EXD3: variants seen among roughly 807,000 people sequenced by gnomAD.
EXD3 encodes exonuclease mut-7 homolog.
EXD3 carries 92 observed loss-of-function variants against 98.0 expected under a neutral mutation model. That is an observed-to-expected ratio of 0.94 (90% CI 0.79 to 1.12). The LOEUF (loss-of-function observed/expected upper bound fraction) is 1.12, where lower values mean the gene tolerates loss of function less well. Ranked by LOEUF, EXD3 falls within the 50% of genes most tolerant of loss-of-function variation. The pLI is 0.00. For synonymous variants in EXD3, 569 were observed against 526.0 expected (o/e 1.08, Z -1.12); for missense variants, 1,222 against 1,191.6 (o/e 1.03, Z -0.38).
chr9:137,414,174 C>T (rs1294977297), intron 1 of EXD3, among the ~76,000 whole-genome samples: 2 of 152,356 alleles, frequency 1.3e-5, no homozygotes, highest in East Asian at 3.9e-4. Flanking sequence ...CCCTTGGCCT[C>T]CCAAAGTGCT....
chr9:137,327,833 T>C (rs1588258460), intron 17 of EXD3, among the ~76,000 whole-genome samples: 2 of 147,094 alleles, frequency 1.4e-5, no homozygotes, highest in Non-Finnish European at 3.0e-5. Flanking sequence ...TACACCCATA[T>C]GATGAGTAAA....
chr9:137,408,184 G>A (rs2131815953), intron 1 of EXD3, among the ~76,000 whole-genome samples: 2 of 152,218 alleles, frequency 1.3e-5, no homozygotes, highest in Non-Finnish European at 2.9e-5. Context: ...TGGGCGCCTG[G>A]ATGTGTCTCC....
chr9:137,374,427 C>T (rs1327336700), intron 3 of EXD3: 1 of 409,530 alleles, frequency 2.4e-6, no homozygotes, highest in East Asian at 1.6e-4. Context: ...GTGGGCCGCG[C>T]TGTTCTCGTC....
At chr9:137,335,951 C>T (rs1458162505) in intron 17 of EXD3, among the ~76,000 whole-genome samples, 1 of 152,096 alleles carries the variant, frequency 6.6e-6, no homozygotes, top group African/African-American at 2.4e-5. Flanking sequence ...TGGAATACTA[C>T]TCAGCCGTAA....
intron 1 of EXD3, among the ~76,000 whole-genome samples, chr9:137,415,395 T>C (rs1050754286): frequency 2.6e-5 from 4 of 152,038 alleles, no homozygotes; most frequent in Admixed American, 2.6e-4. Flanking sequence ...GGTCTCTCCA[T>C]GTTCGCCAGG....
rs1449084175 is a variant in EXD3 at position 137,355,506 on chromosome 9, A to C, written c.758-733T>G. ...AGGAAGGAGGATGGAGGAAGGAGGA[A>C]GGAGGAAGGAGGAAGGAGGATGGAG... On this transcript the variant is annotated intron_variant, in intron 8 of 21. Transcript: ENST00000340951. Among the ~76,000 whole-genome samples the C allele has an allele frequency of 1.4e-3, 111 of 80,568 alleles. 1 individual carries two copies. The highest frequency in any genetic ancestry group is 2.2e-3 in the African/African-American group (40 of 18,104). The allele number at this position is 80,568 out of a possible 152,430, so 52.9% of individuals were successfully genotyped here. A position where few individuals can be genotyped will look rare whatever the true frequency, so the allele number is the denominator to read the frequency against.
At chr9:137,356,576 A>G (rs1478159486) in intron 7 of EXD3, among the ~76,000 whole-genome samples, 3 of 152,160 alleles carry the variant, frequency 2.0e-5, no homozygotes, top group East Asian at 1.9e-4. Flanking sequence ...CCACATTTCC[A>G]GATAACATCC....
At chr9:137,420,525 T>C (rs1017212193) in intron 1 of EXD3, among the ~76,000 whole-genome samples, 32 of 152,314 alleles carry the variant, frequency 2.1e-4, no homozygotes, top group African/African-American at 7.0e-4. Context: ...AGGCTTGGAC[T>C]GGGATGACGT....
intron 19 of EXD3, among the ~76,000 whole-genome samples, chr9:137,313,987 T>G (rs969093817): frequency 9.9e-5 from 15 of 151,992 alleles, no homozygotes; most frequent in Admixed American, 3.3e-4. Flanking sequence ...GGGTCGCCAG[T>G]GTGCCGTCCC....
intron 17 of EXD3, among the ~76,000 whole-genome samples, chr9:137,333,841 C>G (rs1180516684): frequency 6.6e-6 from 1 of 151,746 alleles, no homozygotes; most frequent in African/African-American, 2.4e-5. Flanking sequence ...TTTTTCTTTT[C>G]TTTTCTTTTT....
intron 19 of EXD3, among the ~76,000 whole-genome samples, 163 bp from the exon 20 acceptor site, chr9:137,309,863 G>A (rs551240032): frequency 5.3e-5 from 8 of 152,324 alleles, no homozygotes; most frequent in African/African-American, 7.2e-5. Flanking sequence ...TGGGGTTCAG[G>A]CCATACCGCC....
intron 3 of EXD3, chr9:137,377,280 C>T (rs1211561663): frequency 6.6e-6 from 1 of 152,130 alleles, no homozygotes; most frequent in Non-Finnish European, 1.5e-5. Context: ...GGAACTCCGT[C>T]TCTACCAAAA....
chr9:137,420,152 T>G (rs749330639), intron 1 of EXD3, among the ~76,000 whole-genome samples: 1 of 151,064 alleles, frequency 6.6e-6, no homozygotes, highest in Non-Finnish European at 1.5e-5. Context: ...AGAGGGAGAC[T>G]CCGCCTAAAA....
intron 1 of EXD3, among the ~76,000 whole-genome samples, chr9:137,409,611 T>C (rs989953294): frequency 6.7e-6 from 1 of 150,154 alleles, no homozygotes; most frequent in East Asian, 2.0e-4. Flanking sequence ...GAGGGAGCTG[T>C]GTCTACAAAG....
intron 17 of EXD3, among the ~76,000 whole-genome samples, chr9:137,333,008 G>A (rs185665193): frequency 1.6e-4 from 24 of 152,290 alleles, no homozygotes; most frequent in Non-Finnish European, 3.1e-4. Flanking sequence ...GTCCATGGAC[G>A]GGGAGAGGCA....
chr9:137,345,307 A>G (rs1055175496), intron 17 of EXD3, among the ~76,000 whole-genome samples: 1 of 152,260 alleles, frequency 6.6e-6, no homozygotes, highest in South Asian at 2.1e-4. Flanking sequence ...AACTCAAGGT[A>G]TAATCCTTAT....
At chr9:137,337,716 G>A (rs914856531) in intron 17 of EXD3, among the ~76,000 whole-genome samples, 3 of 151,940 alleles carry the variant, frequency 2.0e-5, no homozygotes, top group Non-Finnish European at 4.4e-5. Flanking sequence ...GCATATGTTG[G>A]GGGGTAGGTG....
rs1836547737 is a variant in EXD3, at chr9:137,385,575, A to G, written c.56-2198T>C. ...TATTTAGAGACGGAGTCTCACTGTC[A>G]CCCAGGCTGGAGTGCAGTGCTGTGA... is the stretch of plus-strand genomic sequence containing the variant. On this transcript the variant is annotated intron_variant, in intron 2 of 21. Coordinates refer to ENST00000340951, the MANE Select transcript of EXD3 (RefSeq NM_017820.5). The surrounding 1 kb of genome is among the most constrained non-coding windows in gnomAD (Gnocchi z 4.4). Among the ~76,000 whole-genome samples, 1 of 152,026 alleles carries G rather than the reference A, an allele frequency of 6.6e-6. No homozygotes were observed. Among genetic ancestry groups the G allele is most frequent in the Non-Finnish European group, 1.5e-5 (1 of 68,016 alleles).
intron 1 of EXD3, among the ~76,000 whole-genome samples, chr9:137,412,829 G>A (rs1277597443): frequency 2.6e-5 from 4 of 152,212 alleles, no homozygotes; most frequent in African/African-American, 9.7e-5. Flanking sequence ...CCAGGATGGA[G>A]TGCGGTGGGG....
Sources: gnomAD v4.1 joint callset for allele counts (sites outside exome capture counted in the v4.1 genomes callset) on GRCh38, gnomAD v4.1.1 for gene constraint, Gnocchi (gnomAD v3.1) non-coding constraint, MANE v1.5 for transcripts, NCBI Gene and HGNC (gene_info 2026-07-23, HGNC 2026-07-21) for gene names.